KCNMA1: variants seen among roughly 807,000 people sequenced by gnomAD.
The protein encoded by KCNMA1 is Calcium-activated potassium channel subunit alpha-1.
In KCNMA1, 29 loss-of-function variants were observed where a neutral mutation model predicts 140.0. That is an observed-to-expected ratio of 0.21 (90% CI 0.15 to 0.28). The LOEUF (loss-of-function observed/expected upper bound fraction) is 0.28. Among genes scored for constraint, KCNMA1 ranks in the 10% least tolerant of loss-of-function variants. KCNMA1 has a pLI of 1.00. For missense variants in KCNMA1, 880 were observed against 1,602.2 expected, an observed-to-expected ratio of 0.55 and a Z score of 7.70; for synonymous variants, 612 against 611.9, an observed-to-expected ratio of 1.00 and a Z score of 0.00.
Position 76,884,915 on chromosome 10 carries a change from T to C in KCNMA1, c.*2351A>G. 1 of 1,462,188 alleles carries C rather than the reference T, an allele frequency of 6.8e-7. No homozygotes were observed. 90.6% of individuals were successfully genotyped at this position (1,462,188 alleles called of 1,614,324 possible). On this transcript the variant is annotated 3_prime_UTR_variant, in exon 28 of 28. Coordinates refer to ENST00000286628, the MANE Select transcript of KCNMA1 (RefSeq NM_001161352.2). ...TCCTTTTTTTTTAATTTCACAAAAG[T>C]TTTCACAAGGACAACGTTATAGAAG...
At chr10:77,249,022 C>A (rs879076449) in intron 3 of KCNMA1, among the ~76,000 whole-genome samples, 2 of 152,134 alleles carry the variant, frequency 1.3e-5, no homozygotes, top group Admixed American at 6.5e-5. Flanking sequence ...ATAAACAAAG[C>A]CTTGCTATGC....
At chr10:77,411,563 A>G (rs2096618760) in intron 1 of KCNMA1, among the ~76,000 whole-genome samples, 1 of 152,138 alleles carries the variant, frequency 6.6e-6, no homozygotes, top group Admixed American at 6.5e-5. Flanking sequence ...AGGGACACGT[A>G]CCCATCCTGC....
At chr10:77,572,484 A>T (rs2071793781) in intron 1 of KCNMA1, among the ~76,000 whole-genome samples, 1 of 145,872 alleles carries the variant, frequency 6.9e-6, no homozygotes, top group African/African-American at 2.5e-5. Context: ...TGGGAGGCTG[A>T]TATGTCTGGA....
At chr10:77,403,423 C>T (rs2096349320) in intron 2 of KCNMA1, among the ~76,000 whole-genome samples, 1 of 152,052 alleles carries the variant, frequency 6.6e-6, no homozygotes, top group Non-Finnish European at 1.5e-5. Context: ...AGAGGGGGTC[C>T]CTATGGGCTA....
chr10:77,483,395 G>A (rs576114177), intron 1 of KCNMA1, among the ~76,000 whole-genome samples: 2 of 152,186 alleles, frequency 1.3e-5, no homozygotes, highest in Non-Finnish European at 2.9e-5. Context: ...CTGAGGAGCC[G>A]GGGTGGTGAC....
At chr10:77,233,533 T>C (rs1355180813) in intron 3 of KCNMA1, among the ~76,000 whole-genome samples, 1 of 152,248 alleles carries the variant, frequency 6.6e-6, no homozygotes, top group Non-Finnish European at 1.5e-5. Flanking sequence ...GGAGGCTATA[T>C]GATCAAACAG....
intron 19 of KCNMA1, among the ~76,000 whole-genome samples, chr10:76,994,913 A>G (rs1033981045): frequency 1.3e-5 from 2 of 152,230 alleles, no homozygotes; most frequent in African/African-American, 4.8e-5. Context: ...GATGGAAACC[A>G]CAGGTGCTGC....
At chr10:77,567,213 G>A (rs1001966899) in intron 1 of KCNMA1, among the ~76,000 whole-genome samples, 2 of 152,238 alleles carry the variant, frequency 1.3e-5, no homozygotes, top group Non-Finnish European at 2.9e-5. Context: ...CAAGGCGGGG[G>A]ATTAGATTAA....
intron 11 of KCNMA1, among the ~76,000 whole-genome samples, chr10:77,086,079 G>A (rs2096684144): frequency 6.6e-6 from 1 of 152,154 alleles, no homozygotes; most frequent in South Asian, 2.1e-4. Flanking sequence ...TTAGCCTAAT[G>A]TTTCTTTCAG....
intron 6 of KCNMA1, among the ~76,000 whole-genome samples, chr10:77,112,661 CTTTTA>C (rs2097353401): frequency 1.3e-5 from 2 of 152,140 alleles, no homozygotes; most frequent in South Asian, 4.1e-4. Flanking sequence ...TAAAAATTAA[CTTTTA>C]TTTAAAAAAC....
At chr10:77,587,836 A>G (rs1037586003) in intron 1 of KCNMA1, 66 of 985,320 alleles carry the variant, frequency 6.7e-5, no homozygotes, top group Non-Finnish European at 7.8e-5. Flanking sequence ...CCGACAGATC[A>G]TCTCACGGCC....
chr10:77,636,521 G>A, intron 1 of KCNMA1: 2 of 1,536,176 alleles, frequency 1.3e-6, no homozygotes, highest in Non-Finnish European at 1.7e-6. Flanking sequence ...GTGGCCTGGG[G>A]GCAAAGGAAC....
At position 77,110,206 on chromosome 10, in the gene KCNMA1, G is replaced by A. The variant is rs2097289474; in HGVS notation, c.1098C>T (p.Arg366=). ...CGAGGATGAAGAAGACCATGAAGAG[G>A]CGCCCAAGTGTGGTTTTTGCATAAA... is the stretch of plus-strand genomic sequence containing the variant. ...GDVYAKTTLG[R]LFMVFFILGG... The change falls in exon 8 of 28, where the codon CGC becomes CGT. Residue 366 remains arginine (R), a synonymous_variant. Coordinates refer to ENST00000286628, the MANE Select transcript of KCNMA1 (RefSeq NM_001161352.2). The A allele has an allele frequency of 6.2e-7, 1 of 1,614,032 alleles. No homozygotes were observed. The highest frequency in any genetic ancestry group is 1.1e-5 in the South Asian group (1 of 91,072).
chr10:77,053,406 A>T (rs1039089875), intron 14 of KCNMA1, among the ~76,000 whole-genome samples: 5 of 152,204 alleles, frequency 3.3e-5, no homozygotes, highest in African/African-American at 1.2e-4. Context: ...GTTCTCACCT[A>T]TCCATGCAGA....
intron 23 of KCNMA1, among the ~76,000 whole-genome samples, chr10:76,941,968 G>T (rs1383936246): frequency 2.0e-5 from 3 of 151,924 alleles, no homozygotes; most frequent in Non-Finnish European, 2.9e-5. Flanking sequence ...TTATTTGTTT[G>T]TTGGTTTATT....
At chr10:77,387,559 T>A (rs1566488205) in intron 2 of KCNMA1, among the ~76,000 whole-genome samples, 1 of 149,846 alleles carries the variant, frequency 6.7e-6, no homozygotes, top group East Asian at 1.9e-4. Context: ...TCTTTTCTTT[T>A]TCTTTTCTTT....
At chr10:77,068,077 C>T (rs747237307) in intron 14 of KCNMA1, among the ~76,000 whole-genome samples, 2 of 152,176 alleles carry the variant, frequency 1.3e-5, no homozygotes, top group Non-Finnish European at 2.9e-5. Flanking sequence ...TGGGTTTGAA[C>T]ACCTGAGTTT....
intron 1 of KCNMA1, among the ~76,000 whole-genome samples, chr10:77,485,718 G>A (rs2098452397): frequency 6.6e-6 from 1 of 152,228 alleles, no homozygotes; most frequent in East Asian, 1.9e-4. Flanking sequence ...TTCTAAAGCA[G>A]CAGGAGGAGA....
At chr10:76,900,829 G>A (rs78152269) in intron 25 of KCNMA1, among the ~76,000 whole-genome samples, 6,739 of 151,412 alleles carry the variant, frequency 0.045, 482 homozygotes, top group African/African-American at 0.15. Context: ...AGTGTGGATT[G>A]GTAAAATTGT....
Sources: allele counts gnomAD v4.1 joint callset (sites outside exome capture counted in the v4.1 genomes callset), GRCh38; gene constraint gnomAD v4.1.1; transcripts MANE v1.5; gene names NCBI Gene and HGNC (gene_info 2026-07-23, HGNC 2026-07-21).